The following FIGNL2 variants were observed in gnomAD, a reference collection of about 807,000 sequenced individuals.
FIGNL2 encodes fidgetin-like protein 2.
For synonymous variants in FIGNL2, 565 were observed against 484.0 expected (o/e 1.17, Z -2.20); for missense variants, 1,060 against 950.2 (o/e 1.12, Z -1.52).
intron 1 of FIGNL2, among the ~76,000 whole-genome samples, chr12:51,830,810 ACAGAGTCT>A (rs1217813052): frequency 2.6e-5 from 4 of 151,830 alleles, no homozygotes; most frequent in Middle Eastern, 3.4e-3. Flanking sequence ...TTTTCTTGAG[ACAGAGTCT>A]CACTCTATTG....
chr12:51,834,109 T>TGGATGCA (rs750053394), intron 1 of FIGNL2, among the ~76,000 whole-genome samples: 1 of 133,902 alleles, frequency 7.5e-6, no homozygotes, highest in African/African-American at 2.7e-5. Flanking sequence ...GGATGGATGG[T>TGGATGCA]TGGATGGATG....
chr12:51,834,109 T>TTGGTTGGA (rs1555234035), intron 1 of FIGNL2, among the ~76,000 whole-genome samples: 95 of 134,006 alleles, frequency 7.1e-4, no homozygotes, highest in African/African-American at 2.5e-3. Context: ...GGATGGATGG[T>TTGGTTGGA]TGGATGGATG....
At chr12:51,826,628 A>T (rs1939350334) in intron 1 of FIGNL2, among the ~76,000 whole-genome samples, 1 of 99,344 alleles carries the variant, frequency 1.0e-5, no homozygotes, top group South Asian at 2.9e-4. Flanking sequence ...GATAAGAGCG[A>T]AACTCCCATC....
intron 1 of FIGNL2, among the ~76,000 whole-genome samples, chr12:51,835,084 G>A (rs1939557664): frequency 6.6e-6 from 1 of 152,178 alleles, no homozygotes; most frequent in Non-Finnish European, 1.5e-5. Flanking sequence ...CTCATTTCAA[G>A]CTCAAAATAA....
Position 51,824,801 on chromosome 12 carries a change from T to C in FIGNL2, c.-11-2377A>G, listed in dbSNP as rs779365195. ...GCTCATGCCTGTAATCCCAACACTT[T>C]AGGAGGCCGAGGCTGGTGGATCACC... On this transcript the variant is annotated intron_variant, in intron 1 of 1. Coordinates refer to ENST00000618634, the MANE Select transcript of FIGNL2 (RefSeq NM_001384995.1). Among the ~76,000 whole-genome samples, 54 of 152,166 alleles carry C rather than the reference T, an allele frequency of 3.5e-4. 1 individual carries two copies. Among genetic ancestry groups the C allele is most frequent in the Admixed American group, 2.2e-3 (33 of 15,274 alleles).
chr12:51,818,155 CCAG>C lies in FIGNL2; in HGVS notation c.*2294_*2296del, dbSNP rs1939084584. On this transcript the variant is annotated 3_prime_UTR_variant, in exon 2 of 2. Coordinates refer to ENST00000618634, the MANE Select transcript of FIGNL2 (RefSeq NM_001384995.1). ...CCTGGATTCTTTGGTATGCCTCCCC[CCAG>C]CATTACCAGAGCTGGACTGGCCCTT... The C allele has an allele frequency of 1.3e-5, 2 of 152,140 alleles. No homozygotes were observed. Among genetic ancestry groups the C allele is most frequent in the Admixed American group, 1.3e-4 (2 of 15,262 alleles). The allele number at this position is 152,140 out of a possible 1,614,324, so 9.4% of individuals were successfully genotyped here. A position where few individuals can be genotyped will look rare whatever the true frequency, so the allele number is the denominator to read the frequency against.
At chr12:51,845,555 C>G (rs896360590) in intron 1 of FIGNL2, 12 of 985,342 alleles carry the variant, frequency 1.2e-5, no homozygotes, top group Non-Finnish European at 1.4e-5. Context: ...CTGCTGCAGC[C>G]CTGGAGCTTT....
At chr12:51,841,094 C>T (rs1348463547) in intron 1 of FIGNL2, among the ~76,000 whole-genome samples, 3 of 152,234 alleles carry the variant, frequency 2.0e-5, no homozygotes, top group Non-Finnish European at 4.4e-5. Flanking sequence ...CTCCTGCCCT[C>T]TTCCCAGCCC....
intron 1 of FIGNL2, among the ~76,000 whole-genome samples, chr12:51,834,630 C>T (rs556724906): frequency 2.0e-5 from 3 of 152,312 alleles, no homozygotes; most frequent in East Asian, 1.9e-4. Flanking sequence ...AGCAGGAGGT[C>T]GGCCTGGGAG....
rs1474491333 is a variant in FIGNL2 at position 51,820,166 on chromosome 12, G to C, written c.*286C>G. The C allele has an allele frequency of 8.9e-6, 4 of 448,264 alleles. No individual in the cohort carries two copies. Among genetic ancestry groups the C allele is most frequent in the Non-Finnish European group, 1.6e-5 (4 of 251,146 alleles). The allele number at this position is 448,264 out of a possible 1,614,324, so 27.8% of individuals were successfully genotyped here. On this transcript the variant is annotated 3_prime_UTR_variant, in exon 2 of 2. Transcript: ENST00000618634. The stretch of plus-strand genomic sequence containing the variant: ...GAGAGCAGGAGTTCTTAAGGCCCCG[G>C]GTGCCAGCCCATGCCGGATCTGCCC...
At chr12:51,832,241 T>C (rs1321489878) in intron 1 of FIGNL2, among the ~76,000 whole-genome samples, 1 of 152,088 alleles carries the variant, frequency 6.6e-6, no homozygotes, top group Non-Finnish European at 1.5e-5. Flanking sequence ...GGTCTTGAAC[T>C]CCTGACCTTA....
chr12:51,830,606 C>T (rs1239859784), intron 1 of FIGNL2, among the ~76,000 whole-genome samples: 1 of 150,748 alleles, frequency 6.6e-6, no homozygotes, highest in Non-Finnish European at 1.5e-5. Flanking sequence ...ATTCTCTTGC[C>T]TCAGCCTCCT....
intron 1 of FIGNL2, chr12:51,847,141 G>A (rs1939768802): frequency 7.1e-6 from 7 of 985,304 alleles, no homozygotes; most frequent in South Asian, 9.4e-5. Flanking sequence ...CAGGCACAGC[G>A]GGGAATGGCG....
At chr12:51,829,951 A>C (rs573863967) in intron 1 of FIGNL2, among the ~76,000 whole-genome samples, 1 of 152,312 alleles carries the variant, frequency 6.6e-6, no homozygotes, top group East Asian at 1.9e-4. Flanking sequence ...CTATTGTTAA[A>C]TATGGTGACT....
intron 1 of FIGNL2, among the ~76,000 whole-genome samples, chr12:51,843,913 AT>A (rs878906013): frequency 5.9e-4 from 86 of 146,190 alleles, no homozygotes; most frequent in Middle Eastern, 3.5e-3. Context: ...CGCCTCTACA[AT>A]TTTTTTTTTT....
At position 51,822,181 on chromosome 12, in the gene FIGNL2, G is replaced by A. The variant is rs1313777080; in HGVS notation, c.233C>T (p.Pro78Leu). Residue 78 changes from proline (P) to leucine (L), a missense_variant, in exon 2 of 2, where the codon CCG becomes CTG. By Grantham distance (98) the Pro-to-Leu change is moderately conservative. Transcript: ENST00000618634. ...SGVLDSPYER[P>L]ALGGYSDASF... Reference sequence around the variant, plus strand: ...GGCGTCGCTGTACCCGCCCAGGGCCGGACGCTCGTAGGGAGAATCCAAGAC... The same window carrying A: ...GGCGTCGCTGTACCCGCCCAGGGCCAGACGCTCGTAGGGAGAATCCAAGAC... 3.1e-6 allele frequency: 5 copies of A among 1,611,478 alleles called. No individual in the cohort carries two copies. In the Admixed American group the frequency reaches 6.7e-5, roughly 22 times the overall value.
chr12:51,831,019 G>A (rs1939451992), intron 1 of FIGNL2, among the ~76,000 whole-genome samples: 1 of 151,776 alleles, frequency 6.6e-6, no homozygotes, highest in South Asian at 2.1e-4. Flanking sequence ...GTTCAGGTTG[G>A]CCTCAAACTC....
intron 1 of FIGNL2, among the ~76,000 whole-genome samples, chr12:51,841,038 A>T (rs1044377749): frequency 1.4e-4 from 21 of 152,244 alleles, no homozygotes; most frequent in African/African-American, 5.1e-4. Flanking sequence ...GCGAGGAAAC[A>T]GGCCCAGGCA....
At chr12:51,830,796 C>CT (rs1245394596) in intron 1 of FIGNL2, among the ~76,000 whole-genome samples, 1 of 151,628 alleles carries the variant, frequency 6.6e-6, no homozygotes, top group Non-Finnish European at 1.5e-5. Context: ...GGCCTACGCT[C>CT]TTTTTTTCTT....
Sources: gnomAD v4.1 joint callset for allele counts (sites outside exome capture counted in the v4.1 genomes callset) on GRCh38, gnomAD v4.1.1 for gene constraint, MANE v1.5 for transcripts, NCBI Gene and HGNC (gene_info 2026-07-23, HGNC 2026-07-21) for gene names.